The following SPHKAP variants were observed in gnomAD, a reference collection of about 807,000 sequenced individuals.
SPHKAP encodes A-kinase anchor protein SPHKAP.
Under a neutral mutation model 137.5 loss-of-function variants are expected in SPHKAP, and 67 were observed. That is an observed-to-expected ratio of 0.49 (90% CI 0.40 to 0.60). SPHKAP has a LOEUF of 0.60. Among genes scored for constraint, SPHKAP ranks in the 20% least tolerant of loss-of-function variants. SPHKAP has a pLI of 0.00. For synonymous variants in SPHKAP, 813 were observed against 785.3 expected, an observed-to-expected ratio of 1.04 and a Z score of -0.59; for missense variants, 2,097 against 2,069.3, an observed-to-expected ratio of 1.01 and a Z score of -0.26.
chr2:228,059,628 A>G (rs1474761486), intron 3 of SPHKAP, among the ~76,000 whole-genome samples: 1 of 152,232 alleles, frequency 6.6e-6, no homozygotes, highest in Non-Finnish European at 1.5e-5. Flanking sequence ...TTATCCTCCA[A>G]TTCTTGTCTT....
rs1692964509 is a variant in SPHKAP, at chr2:227,980,722, T to TGACTGCTGTACAGGTAGCAGCAC, written c.*994_*995insGTGCTGCTACCTGTACAGCAGTC. On this transcript the variant is annotated 3_prime_UTR_variant, in exon 12 of 12. Coordinates refer to ENST00000392056, the MANE Select transcript of SPHKAP (RefSeq NM_001142644.2). ...CATTATAAATGTCACTGGAGCGGCA[T>TGACTGCTGTACAGGTAGCAGCAC]GTCTGCTGTACAGGTAGCAGCACAT... is the stretch of plus-strand genomic sequence containing the variant. 6.6e-6 allele frequency: 1 copy of TGACTGCTGTACAGGTAGCAGCAC among 152,172 alleles called. No homozygotes were observed. Among genetic ancestry groups the TGACTGCTGTACAGGTAGCAGCAC allele is most frequent in the Non-Finnish European group, 1.5e-5 (1 of 68,034 alleles). 9.4% of individuals were successfully genotyped at this position (152,172 alleles called of 1,614,324 possible). A position where few individuals can be genotyped will look rare whatever the true frequency, so the allele number is the denominator to read the frequency against.
intron 1 of SPHKAP, among the ~76,000 whole-genome samples, chr2:228,147,392 T>C (rs578029709): frequency 6.6e-6 from 1 of 152,336 alleles, no homozygotes; most frequent in East Asian, 1.9e-4. Flanking sequence ...ACAAGATGCA[T>C]ATAGTTTACA....
intron 7 of SPHKAP, among the ~76,000 whole-genome samples, chr2:228,014,672 G>A (rs530274897): frequency 3.7e-4 from 57 of 152,222 alleles, no homozygotes; most frequent in Middle Eastern, 3.4e-3. Context: ...CAGTAATGAT[G>A]TCCTCTAATG....
intron 2 of SPHKAP, among the ~76,000 whole-genome samples, chr2:228,111,693 G>A (rs947910797): frequency 1.3e-5 from 2 of 151,946 alleles, no homozygotes; most frequent in African/African-American, 2.4e-5. Context: ...CCCTATGGTA[G>A]GAATTATTAT....
chr2:228,081,776 T>G (rs189236786), intron 3 of SPHKAP, among the ~76,000 whole-genome samples: 1 of 152,178 alleles, frequency 6.6e-6, no homozygotes, highest in Non-Finnish European at 1.5e-5. Context: ...GAATGGTGGT[T>G]ACCAGGGGCT....
intron 2 of SPHKAP, 64 bp from the exon 3 acceptor site, chr2:228,109,003 C>CTA: frequency 1.0e-6 from 1 of 990,834 alleles, no homozygotes; most frequent in Non-Finnish European, 1.4e-6. Flanking sequence ...CAGCAGCTCT[C>CTA]TCTCTTTTTT....
At chr2:228,124,068 A>G (rs529646227) in intron 2 of SPHKAP, among the ~76,000 whole-genome samples, 1 of 151,790 alleles carries the variant, frequency 6.6e-6, no homozygotes, top group African/African-American at 2.4e-5. Flanking sequence ...GGCAATCATT[A>G]AAAAGTCAGG....
At chr2:228,133,504 T>C (rs1407002442) in intron 1 of SPHKAP, among the ~76,000 whole-genome samples, 1 of 152,190 alleles carries the variant, frequency 6.6e-6, no homozygotes, top group Non-Finnish European at 1.5e-5. Flanking sequence ...GAAAATATAA[T>C]AATTTGGACT....
chr2:228,049,638 C>A (rs6705552), intron 3 of SPHKAP, among the ~76,000 whole-genome samples: 1,976 of 152,234 alleles, frequency 0.013, 46 homozygotes, highest in African/African-American at 0.045. Context: ...GCTTTGTGAG[C>A]CCTTGGACTC....
intron 2 of SPHKAP, among the ~76,000 whole-genome samples, chr2:228,129,901 A>G (rs13402926): frequency 0.34 from 51,521 of 150,784 alleles, 9,086 homozygotes; most frequent in East Asian, 0.5. Context: ...GGTTCAAGCA[A>G]TTCTCTTGTC....
At chr2:228,040,589 G>A (rs1695798265) in intron 3 of SPHKAP, among the ~76,000 whole-genome samples, 1 of 151,946 alleles carries the variant, frequency 6.6e-6, no homozygotes, top group South Asian at 2.1e-4. Context: ...TTTATTGTCA[G>A]CATTAAAAAT....
At chr2:228,024,375 C>A (rs1411289648) in intron 5 of SPHKAP, among the ~76,000 whole-genome samples, 1 of 129,690 alleles carries the variant, frequency 7.7e-6, no homozygotes, top group African/African-American at 2.9e-5. Context: ...TCTGTGAATT[C>A]TAGAAAGAAA....
intron 3 of SPHKAP, 50 bp from the exon 4 acceptor site, chr2:228,027,593 C>G: frequency 6.4e-7 from 1 of 1,572,808 alleles, no homozygotes; most frequent in South Asian, 1.1e-5. Context: ...ACCTGACTGT[C>G]TTTTTAGAAG....
intron 3 of SPHKAP, among the ~76,000 whole-genome samples, chr2:228,095,585 G>A (rs1322078555): frequency 6.6e-6 from 1 of 152,038 alleles, no homozygotes; most frequent in Non-Finnish European, 1.5e-5. Flanking sequence ...ACTAATAAGA[G>A]AAATTTCAGC....
chr2:228,105,800 T>C (rs1333337602), intron 3 of SPHKAP, among the ~76,000 whole-genome samples: 1 of 152,184 alleles, frequency 6.6e-6, no homozygotes, highest in Non-Finnish European at 1.5e-5. Flanking sequence ...GCCTTTTGCC[T>C]TCCACCATGA....
Position 228,018,860 on chromosome 2 carries a change from T to C in SPHKAP, c.1994A>G (p.Asn665Ser), listed in dbSNP as rs768601220. 1 of 1,614,210 alleles carries C rather than the reference T, an allele frequency of 6.2e-7. No homozygotes were observed. The highest frequency in any genetic ancestry group is 1.1e-5 in the South Asian group (1 of 91,076). The change falls in exon 7 of 12, where the codon AAT (asparagine) becomes AGT (serine). Residue 665 changes from asparagine to serine, a missense_variant. Transcript: ENST00000392056. ...QTLCSENVVR[N>S]ELAHTLSNVI... is the part of the protein sequence containing the mutation. ...ATTGGACAGGGTATGTGCCAGTTCA[T>C]TCCTGACGACATTTTCTGAGCACAG...
chr2:228,058,693 C>G (rs966614063), intron 3 of SPHKAP, among the ~76,000 whole-genome samples: 16 of 152,164 alleles, frequency 1.1e-4, no homozygotes, highest in African/African-American at 3.9e-4. Flanking sequence ...GCATTCTTTT[C>G]AAGAGTTTCT....
chr2:228,144,552 A>G (rs1044502258), intron 1 of SPHKAP, among the ~76,000 whole-genome samples: 2 of 151,846 alleles, frequency 1.3e-5, no homozygotes, highest in African/African-American at 4.8e-5. Context: ...CCCTTTCTAT[A>G]TTTTTTATAT....
chr2:228,179,459 G>T lies in SPHKAP; in HGVS notation c.32+2108C>A, dbSNP rs576744091. On this transcript the variant is annotated intron_variant, in intron 1 of 11. Coordinates refer to ENST00000392056, the MANE Select transcript of SPHKAP (RefSeq NM_001142644.2). Reference sequence around the variant, plus strand: ...CTTTCAATTAAGTCTTATAGAAAAGGAATGGTGTTTCTTGTATACAATGAA... The same window carrying T: ...CTTTCAATTAAGTCTTATAGAAAAGTAATGGTGTTTCTTGTATACAATGAA... Among the ~76,000 whole-genome samples the T allele has an allele frequency of 4.7e-4, 72 of 152,250 alleles. No homozygotes were observed. In the South Asian group the frequency reaches 0.011, roughly 24 times the overall value.
Sources: allele counts gnomAD v4.1 joint callset (sites outside exome capture counted in the v4.1 genomes callset), GRCh38; gene constraint gnomAD v4.1.1; transcripts MANE v1.5; gene names NCBI Gene and HGNC (gene_info 2026-07-23, HGNC 2026-07-21).